The following THSD7B variants were observed in gnomAD, a reference collection of about 807,000 sequenced individuals.
THSD7B encodes the protein thrombospondin type 1 domain containing 7B.
THSD7B carries 138 observed loss-of-function variants against 213.6 expected under a neutral mutation model. The ratio of observed to expected loss-of-function variants is 0.65; its 90% CI spans 0.56 to 0.74. The LOEUF (loss-of-function observed/expected upper bound fraction) is 0.74, where lower values mean the gene tolerates loss of function less well. Ranked by LOEUF, THSD7B falls within the 30% of genes least tolerant of loss-of-function variation. THSD7B has a pLI of 0.00. For synonymous variants in THSD7B, 742 were observed against 687.0 expected (o/e 1.08, Z -1.25); for missense variants, 1,931 against 1,991.5 (o/e 0.97, Z 0.58).
chr2:137,546,477 TAA>T (rs1491305791), intron 15 of THSD7B, among the ~76,000 whole-genome samples: 640 of 59,832 alleles, frequency 0.011, 107 homozygotes, highest in African/African-American at 0.05. Flanking sequence ...TATATATATA[TAA>T]TATATATATA....
chr2:137,315,075 C>G (rs1231438480), intron 12 of THSD7B, among the ~76,000 whole-genome samples: 1 of 152,220 alleles, frequency 6.6e-6, no homozygotes, highest in Non-Finnish European at 1.5e-5. Context: ...CCTAAGCAAG[C>G]CTGGGCAATG....
chr2:136,970,416 A>C (rs1036143942), intron 2 of THSD7B, among the ~76,000 whole-genome samples: 8 of 152,156 alleles, frequency 5.3e-5, no homozygotes, highest in African/African-American at 1.9e-4. Context: ...TAGTGAGCTG[A>C]GATTGCACCA....
At position 136,939,034 on chromosome 2, in the gene THSD7B, A is replaced by G. The variant is rs117176927; in HGVS notation, c.139+56717A>G. 2.8e-4 allele frequency among the ~76,000 whole-genome samples: 42 copies of G among 152,260 alleles called. No homozygotes were observed. In the East Asian group the frequency reaches 8.1e-3, roughly 29 times the overall value. On this transcript the variant is annotated intron_variant, in intron 2 of 27. Coordinates refer to ENST00000409968, the MANE Select transcript of THSD7B (RefSeq NM_001316349.2). ...CTCCTTTGCTGTTCGTTGAGTCCCT[A>G]TTGTCCATTAGCCTACCTGGCCATG...
intron 12 of THSD7B, among the ~76,000 whole-genome samples, chr2:137,318,979 A>G (rs1156959246): frequency 6.6e-6 from 1 of 151,780 alleles, no homozygotes; most frequent in Non-Finnish European, 1.5e-5. Context: ...TTGTCTCACA[A>G]TGGAAAGGTG....
At chr2:137,421,710 C>T (rs1402861271) in intron 14 of THSD7B, among the ~76,000 whole-genome samples, 1 of 152,124 alleles carries the variant, frequency 6.6e-6, no homozygotes, top group Admixed American at 6.5e-5. Context: ...TCTTAACACC[C>T]ACAATCATAA....
At chr2:136,972,976 C>T (rs774214282) in intron 2 of THSD7B, among the ~76,000 whole-genome samples, 18 of 152,050 alleles carry the variant, frequency 1.2e-4, no homozygotes, top group Non-Finnish European at 1.9e-4. Flanking sequence ...AATTAAATCA[C>T]GGTTTAAAAA....
At chr2:137,059,248 C>A (rs181547562) in intron 3 of THSD7B, among the ~76,000 whole-genome samples, 19 of 152,212 alleles carry the variant, frequency 1.2e-4, no homozygotes, top group Non-Finnish European at 2.6e-4. Flanking sequence ...CTCTCATGAC[C>A]TGATTACATT....
chr2:136,985,563 G>A (rs1263744675), intron 2 of THSD7B, among the ~76,000 whole-genome samples: 1 of 152,210 alleles, frequency 6.6e-6, no homozygotes, highest in Non-Finnish European at 1.5e-5. Context: ...AGATTTCAGA[G>A]GATGTATGAG....
intron 1 of THSD7B, among the ~76,000 whole-genome samples, chr2:136,771,982 ATTTG>A (rs1681514893): frequency 1.3e-5 from 2 of 152,240 alleles, no homozygotes; most frequent in Admixed American, 6.5e-5. Flanking sequence ...GTACATTAGA[ATTTG>A]TTTGTCTAAT....
At chr2:136,838,111 T>C (rs1032143212) in intron 1 of THSD7B, among the ~76,000 whole-genome samples, 2 of 152,258 alleles carry the variant, frequency 1.3e-5, no homozygotes, top group Non-Finnish European at 2.9e-5. Flanking sequence ...TCAAGTATGA[T>C]ACCTGTTATT....
chr2:137,612,319 T>C (rs879823979), intron 17 of THSD7B, among the ~76,000 whole-genome samples: 20 of 152,124 alleles, frequency 1.3e-4, no homozygotes, highest in Non-Finnish European at 2.6e-4. Flanking sequence ...CATGCATCAC[T>C]CTGAGGCCCA....
In THSD7B at chr2:137,470,161, G is replaced by A. The variant is rs145236181; in HGVS notation, c.3138+19138G>A. On this transcript the variant is annotated intron_variant, in intron 15 of 27. Coordinates refer to ENST00000409968, the MANE Select transcript of THSD7B (RefSeq NM_001316349.2). ...GAGTTTTATGCCCAATGCCCATATT[G>A]CTTAGAAGGTTCAAGTTTCACTTTC... is the stretch of plus-strand genomic sequence containing the variant. Among the ~76,000 whole-genome samples the A allele has an allele frequency of 3.7e-3, 565 of 152,216 alleles. 2 individuals carry two copies. Among genetic ancestry groups the A allele is most frequent in the Middle Eastern group, 0.017 (5 of 294 alleles).
chr2:137,078,695 T>C (rs566831063), intron 3 of THSD7B, among the ~76,000 whole-genome samples: 10 of 152,240 alleles, frequency 6.6e-5, no homozygotes, highest in Non-Finnish European at 1.2e-4. Flanking sequence ...GAATAAGAAA[T>C]TTAATTCATT....
intron 3 of THSD7B, among the ~76,000 whole-genome samples, chr2:137,070,493 G>A (rs1687460256): frequency 6.6e-6 from 1 of 151,708 alleles, no homozygotes; most frequent in Non-Finnish European, 1.5e-5. Flanking sequence ...TTGGATAACA[G>A]GATAAATGCA....
At chr2:137,503,247 TGTATACAC>T (rs1679751835) in intron 15 of THSD7B, among the ~76,000 whole-genome samples, 1 of 152,200 alleles carries the variant, frequency 6.6e-6, no homozygotes, top group Non-Finnish European at 1.5e-5. Context: ...TTCAGTGAGT[TGTATACAC>T]TTGTGTAAGT....
chr2:136,951,963 G>A (rs761516631), intron 2 of THSD7B, among the ~76,000 whole-genome samples: 4 of 152,074 alleles, frequency 2.6e-5, no homozygotes, highest in Non-Finnish European at 5.9e-5. Context: ...TCCGCCTCTT[G>A]GGTTCAAGCG....
intron 2 of THSD7B, among the ~76,000 whole-genome samples, chr2:137,001,005 G>C (rs1376249318): frequency 6.6e-6 from 1 of 152,080 alleles, no homozygotes; most frequent in African/African-American, 2.4e-5. Flanking sequence ...CCTCCAGGTA[G>C]CAATACTATG....
rs1297876398 is a variant in THSD7B, at chr2:137,556,450, T to G, written c.3139-6771T>G. On this transcript the variant is annotated intron_variant, in intron 15 of 27. Transcript: ENST00000409968. ...TCATATCCAGCCAAACTAAGCTTCCTAAGTGAAGGAGAAATAAAATCCTTT... is the reference window on the plus strand; with the variant it reads ...TCATATCCAGCCAAACTAAGCTTCCGAAGTGAAGGAGAAATAAAATCCTTT... 7.9e-5 allele frequency among the ~76,000 whole-genome samples: 12 copies of G among 152,118 alleles called. No homozygotes were observed. The South Asian group carries it at 1.2e-3, about 16-fold the overall frequency.
intron 3 of THSD7B, among the ~76,000 whole-genome samples, chr2:137,093,754 T>G (rs1687992522): frequency 6.6e-6 from 1 of 151,148 alleles, no homozygotes; most frequent in South Asian, 2.1e-4. Flanking sequence ...CACATTATCT[T>G]TTTTTTTAAT....
Sources: allele counts gnomAD v4.1 joint callset (sites outside exome capture counted in the v4.1 genomes callset), GRCh38; gene constraint gnomAD v4.1.1; transcripts MANE v1.5; gene names NCBI Gene and HGNC (gene_info 2026-07-23, HGNC 2026-07-21).